The following RPS6KC1 variants were observed in gnomAD, a reference collection of about 807,000 sequenced individuals.
RPS6KC1 encodes the protein ribosomal protein S6 kinase C1, also known as inactive ribosomal protein S6 kinase delta-1.
RPS6KC1 carries 54 observed loss-of-function variants against 103.8 expected under a neutral mutation model. The ratio of observed to expected loss-of-function variants is 0.52; its 90% confidence interval spans 0.42 to 0.65. The LOEUF (loss-of-function observed/expected upper bound fraction) is 0.65, where lower values mean the gene tolerates loss of function less well. RPS6KC1 is among the 30% of genes least tolerant of loss of function. The pLI is 0.00. For synonymous variants in RPS6KC1, 439 were observed against 438.7 expected (o/e 1.00, Z -0.01); for missense variants, 1,151 against 1,253.8 (o/e 0.92, Z 1.24).
the RPS6KC1 span, among the ~76,000 whole-genome samples, chr1:213,654,389 T>A: frequency 6.6e-6 from 1 of 152,216 alleles, no homozygotes; most frequent in Non-Finnish European, 1.5e-5. Context: ...CAGAAAGCAA[T>A]AAACTATATT....
At chr1:213,264,034 G>A (rs561811708) in intron 14 of RPS6KC1, among the ~76,000 whole-genome samples, 2 of 152,228 alleles carry the variant, frequency 1.3e-5, no homozygotes, top group South Asian at 2.1e-4. Flanking sequence ...GATTTATCTG[G>A]AATAGAGAGA....
At chr1:213,511,868 T>A in the RPS6KC1 span, among the ~76,000 whole-genome samples, 31 of 152,184 alleles carry the variant, frequency 2.0e-4, no homozygotes, top group Non-Finnish European at 4.1e-4. Context: ...TTCTAATATA[T>A]TATATCATTT....
At chr1:213,214,818 T>C (rs2148704693) in intron 8 of RPS6KC1, among the ~76,000 whole-genome samples, 1 of 152,330 alleles carries the variant, frequency 6.6e-6, no homozygotes, top group East Asian at 1.9e-4. Context: ...CTGAGGGTCC[T>C]GACTGTTAGA....
chr1:213,552,500 C>A, the RPS6KC1 span, among the ~76,000 whole-genome samples: 1 of 152,110 alleles, frequency 6.6e-6, no homozygotes, highest in African/African-American at 2.4e-5. Flanking sequence ...ATTTTCCATC[C>A]GTATATCTTC....
the RPS6KC1 span, among the ~76,000 whole-genome samples, chr1:213,347,091 G>A: frequency 6.6e-6 from 1 of 152,240 alleles, no homozygotes; most frequent in South Asian, 2.1e-4. Context: ...GAGGTGACAC[G>A]TAGACCTTTT....
chr1:213,323,809 T>C, the RPS6KC1 span, among the ~76,000 whole-genome samples: 2 of 152,232 alleles, frequency 1.3e-5, no homozygotes, highest in South Asian at 4.1e-4. Context: ...TCCTCTATTA[T>C]CAATATCCCC....
chr1:213,178,503 T>C (rs2092040161), intron 8 of RPS6KC1, among the ~76,000 whole-genome samples: 1 of 151,752 alleles, frequency 6.6e-6, no homozygotes, highest in Non-Finnish European at 1.5e-5. Context: ...ATTGTGCCAC[T>C]GTACTGCAGC....
intron 3 of RPS6KC1, 59 bp downstream of exon 3, chr1:213,077,875 A>G: frequency 1.0e-6 from 1 of 960,826 alleles, no homozygotes. Flanking sequence ...ATATATACTG[A>G]ACTCTAACAT....
the RPS6KC1 span, among the ~76,000 whole-genome samples, chr1:213,469,486 G>T: frequency 3.9e-5 from 6 of 152,152 alleles, no homozygotes; most frequent in African/African-American, 1.4e-4. Flanking sequence ...AGGACTAGGG[G>T]TAGGAAAGAG....
intron 6 of RPS6KC1, among the ~76,000 whole-genome samples, chr1:213,143,516 T>C (rs190343151): frequency 1.3e-5 from 2 of 152,122 alleles, no homozygotes; most frequent in East Asian, 3.9e-4. Context: ...ATTTTTGAGT[T>C]AGAAGATTAC....
the RPS6KC1 span, among the ~76,000 whole-genome samples, chr1:213,515,446 A>G: frequency 6.6e-6 from 1 of 152,182 alleles, no homozygotes; most frequent in African/African-American, 2.4e-5. Context: ...CTTTCTACAT[A>G]TGGCTAGCCA....
chr1:213,493,343 G>C, the RPS6KC1 span, among the ~76,000 whole-genome samples: 1 of 152,162 alleles, frequency 6.6e-6, no homozygotes, highest in Non-Finnish European at 1.5e-5. Flanking sequence ...AAGAATTTTG[G>C]TGTAAAATGG....
At chr1:213,061,520 T>C (rs2077838318) in intron 1 of RPS6KC1, among the ~76,000 whole-genome samples, 1 of 150,760 alleles carries the variant, frequency 6.6e-6, no homozygotes, top group African/African-American at 2.4e-5. Flanking sequence ...GAAAGGGAGG[T>C]TGAGTTGGTA....
At chr1:213,734,206 G>T in the RPS6KC1 span, among the ~76,000 whole-genome samples, 2 of 152,184 alleles carry the variant, frequency 1.3e-5, no homozygotes, top group Non-Finnish European at 2.9e-5. Flanking sequence ...TTTTCTTAGG[G>T]TGGCTGTATG....
At chr1:213,080,378 G>T (rs1177220415) in intron 3 of RPS6KC1, among the ~76,000 whole-genome samples, 1 of 152,068 alleles carries the variant, frequency 6.6e-6, no homozygotes, top group Non-Finnish European at 1.5e-5. Context: ...AATATCATTT[G>T]TCTAAGATGA....
the RPS6KC1 span, among the ~76,000 whole-genome samples, chr1:213,305,371 CTG>C: frequency 6.6e-6 from 1 of 152,244 alleles, no homozygotes; most frequent in Admixed American, 6.5e-5. Context: ...GCATGAGCCA[CTG>C]TGCCTGGCCA....
the RPS6KC1 span, among the ~76,000 whole-genome samples, chr1:213,543,802 G>C: frequency 6.6e-6 from 1 of 152,088 alleles, no homozygotes; most frequent in Non-Finnish European, 1.5e-5. Flanking sequence ...CTTTTTTCCT[G>C]TTCCTGTTTT....
the RPS6KC1 span, among the ~76,000 whole-genome samples, chr1:213,442,962 T>G: frequency 3.3e-5 from 5 of 152,232 alleles, no homozygotes; most frequent in African/African-American, 1.2e-4. Flanking sequence ...CTCAGGGTTT[T>G]TTTTTTTTTT....
chr1:213,170,521 A>G (rs1356901988), intron 7 of RPS6KC1, among the ~76,000 whole-genome samples: 1 of 152,226 alleles, frequency 6.6e-6, no homozygotes, highest in Non-Finnish European at 1.5e-5. Flanking sequence ...GTATATGTAC[A>G]TAGTTGAGCA....
Sources: allele counts gnomAD v4.1 joint callset (sites outside exome capture counted in the v4.1 genomes callset), GRCh38; gene constraint gnomAD v4.1.1; transcripts MANE v1.5; gene names NCBI Gene and HGNC (gene_info 2026-07-23, HGNC 2026-07-21).